Variants in TCF7L1 observed in about 807,000 individuals in gnomAD.
TCF7L1 encodes transcription factor 7-like 1.
TCF7L1 carries 18 observed loss-of-function variants against 63.7 expected under a neutral mutation model. The observed-to-expected ratio is 0.28, with a 90% CI of 0.20 to 0.42. The LOEUF (loss-of-function observed/expected upper bound fraction) is 0.42. Ranked by LOEUF, TCF7L1 falls within the 10% of genes least tolerant of loss-of-function variation. TCF7L1 has a pLI of 1.00. For missense variants in TCF7L1, 654 were observed against 779.3 expected, an observed-to-expected ratio of 0.84 and a Z score of 1.91; for synonymous variants, 355 against 340.9, an observed-to-expected ratio of 1.04 and a Z score of -0.46.
chr2:85,179,615 G>A (rs141235534), intron 3 of TCF7L1, among the ~76,000 whole-genome samples: 38 of 152,236 alleles, frequency 2.5e-4, no homozygotes, highest in African/African-American at 6.3e-4. Flanking sequence ...TCCTGGAGCT[G>A]AGCTGCCCCC....
chr2:85,134,225 G>T lies in TCF7L1; in HGVS notation c.314-98G>T. 3 of 1,473,446 alleles carry T rather than the reference G, an allele frequency of 2.0e-6. No homozygotes were observed. Among genetic ancestry groups the T allele is most frequent in the Non-Finnish European group, 1.8e-6 (2 of 1,111,352 alleles). 91.3% of individuals were successfully genotyped at this position (1,473,446 alleles called of 1,614,324 possible). On this transcript the variant is annotated intron_variant, in intron 2 of 11. Coordinates refer to ENST00000282111, the MANE Select transcript of TCF7L1 (RefSeq NM_031283.3). The surrounding 1 kb of genome is among the most constrained non-coding windows in gnomAD (Gnocchi z 5.0). ...CGGCAGCCCCCGTGGGGCGCGCGTG[G>T]GGGGCGCTGGGGTCCCCAGCTCCCG...
intron 3 of TCF7L1, among the ~76,000 whole-genome samples, chr2:85,261,124 GTGT>G (rs1270769146): frequency 5.0e-5 from 4 of 79,480 alleles, no homozygotes; most frequent in Non-Finnish European, 9.9e-5. Context: ...ATTATTGCTG[GTGT>G]GTGTGTGTGT....
intron 3 of TCF7L1, among the ~76,000 whole-genome samples, chr2:85,231,199 A>G (rs1403117823): frequency 1.3e-5 from 2 of 152,162 alleles, no homozygotes; most frequent in South Asian, 2.1e-4. Flanking sequence ...CCCAGGCTGT[A>G]GGGTTGCCCA....
intron 3 of TCF7L1, among the ~76,000 whole-genome samples, chr2:85,271,095 A>G (rs902431750): frequency 1.3e-4 from 19 of 151,684 alleles, no homozygotes; most frequent in Non-Finnish European, 1.3e-4. Context: ...AGGAAATCCA[A>G]CAGCCTCCAG....
intron 3 of TCF7L1, among the ~76,000 whole-genome samples, chr2:85,279,019 C>G (rs6736154): frequency 2.0e-5 from 3 of 152,136 alleles, no homozygotes; most frequent in African/African-American, 7.2e-5. Context: ...TGGACCAGCC[C>G]GTGTACACAT....
intron 3 of TCF7L1, among the ~76,000 whole-genome samples, chr2:85,161,333 G>A (rs1298624410): frequency 1.3e-5 from 2 of 152,190 alleles, no homozygotes; most frequent in Admixed American, 1.3e-4. Context: ...GGTTTTTGGC[G>A]CCTGAACTTG....
intron 3 of TCF7L1, among the ~76,000 whole-genome samples, chr2:85,205,337 T>A (rs17026022): frequency 1.4e-4 from 21 of 152,090 alleles, no homozygotes; most frequent in African/African-American, 5.1e-4. Flanking sequence ...GAGTTGAAGG[T>A]CGTGAGTGAA....
At chr2:85,143,331 T>C (rs532036381) in intron 3 of TCF7L1, among the ~76,000 whole-genome samples, 3 of 152,330 alleles carry the variant, frequency 2.0e-5, no homozygotes, top group African/African-American at 7.2e-5. Context: ...TACTAATTAA[T>C]ACAAGAATCA....
At chr2:85,261,784 G>A (rs746971415) in intron 3 of TCF7L1, among the ~76,000 whole-genome samples, 1 of 152,134 alleles carries the variant, frequency 6.6e-6, no homozygotes, top group Non-Finnish European at 1.5e-5. Context: ...CTACTCAAGA[G>A]GTTGAGGTGG....
At chr2:85,207,237 CCTGTG>C (rs1679427400) in intron 3 of TCF7L1, among the ~76,000 whole-genome samples, 1 of 152,160 alleles carries the variant, frequency 6.6e-6, no homozygotes, top group African/African-American at 2.4e-5. Flanking sequence ...CAAGTTACTG[CCTGTG>C]ACCTACCATG....
intron 4 of TCF7L1, among the ~76,000 whole-genome samples, chr2:85,288,686 G>C (rs1193425617): frequency 6.6e-6 from 1 of 152,208 alleles, no homozygotes; most frequent in Non-Finnish European, 1.5e-5. Context: ...GCGGGATGAA[G>C]TTAAGTGCTT....
At chr2:85,273,405 A>T (rs1681199100) in intron 3 of TCF7L1, among the ~76,000 whole-genome samples, 1 of 151,700 alleles carries the variant, frequency 6.6e-6, no homozygotes, top group Admixed American at 6.6e-5. Flanking sequence ...TCAAATCATC[A>T]CCCATACAGA....
At chr2:85,138,795 A>C (rs552893087) in intron 3 of TCF7L1, among the ~76,000 whole-genome samples, 4 of 152,316 alleles carry the variant, frequency 2.6e-5, no homozygotes, top group African/African-American at 9.6e-5. Flanking sequence ...ACATACACAC[A>C]CACCCCCACC....
chr2:85,207,980 C>T (rs1425610232), intron 3 of TCF7L1, among the ~76,000 whole-genome samples: 1 of 152,074 alleles, frequency 6.6e-6, no homozygotes, highest in Non-Finnish European at 1.5e-5. Flanking sequence ...CATCTCGGCC[C>T]ACTGCAAGCT....
At chr2:85,194,553 A>G (rs937727813) in intron 3 of TCF7L1, among the ~76,000 whole-genome samples, 4 of 152,152 alleles carry the variant, frequency 2.6e-5, no homozygotes, top group African/African-American at 9.7e-5. Flanking sequence ...GTAGATGGGC[A>G]GGGAAACCCA....
chr2:85,294,062 G>T (rs1442937688), intron 4 of TCF7L1, among the ~76,000 whole-genome samples: 1 of 36,246 alleles, frequency 2.8e-5, no homozygotes, highest in Non-Finnish European at 4.7e-5. Flanking sequence ...TTTGAGATGG[G>T]GTCTCCCTCT....
intron 3 of TCF7L1, among the ~76,000 whole-genome samples, chr2:85,189,783 C>T (rs530470728): frequency 3.3e-5 from 5 of 152,326 alleles, no homozygotes; most frequent in East Asian, 1.9e-4. Context: ...TCCGAGACCC[C>T]GGCCGCCTGG....
At chr2:85,286,940 AC>A (rs998623615) in intron 4 of TCF7L1, among the ~76,000 whole-genome samples, 1 of 152,198 alleles carries the variant, frequency 6.6e-6, no homozygotes, top group African/African-American at 2.4e-5. Flanking sequence ...CCTGTCGTGA[AC>A]AAAAAAACAA....
rs544320266 is a variant in TCF7L1 at position 85,228,162 on chromosome 2, A to G, written c.442-55333A>G. Among the ~76,000 whole-genome samples, 68 of 152,208 alleles carry G rather than the reference A, an allele frequency of 4.5e-4. 1 individual carries two copies. The highest frequency in any genetic ancestry group is 1.5e-3 in the African/African-American group (64 of 41,530). ...AGACTGGGTGTGGTGGCTCATGCCT[A>G]TAATCCCAACACTTTGAGAGGCCAA... On this transcript the variant is annotated intron_variant, in intron 3 of 11. Coordinates refer to ENST00000282111, the MANE Select transcript of TCF7L1 (RefSeq NM_031283.3).
Sources: allele counts gnomAD v4.1 joint callset (sites outside exome capture counted in the v4.1 genomes callset), GRCh38; gene constraint gnomAD v4.1.1; non-coding constraint Gnocchi (gnomAD v3.1); transcripts MANE v1.5; gene names NCBI Gene and HGNC (gene_info 2026-07-23, HGNC 2026-07-21).